Variants in EIF4G3 observed in about 807,000 individuals in gnomAD.
EIF4G3 encodes eukaryotic translation initiation factor 4 gamma 3.
Under a neutral mutation model 186.4 loss-of-function variants are expected in EIF4G3, and 34 were observed. The observed-to-expected ratio is 0.18, with a 90% CI of 0.14 to 0.24. The LOEUF is 0.24. EIF4G3 is among the 10% of genes least tolerant of loss of function. EIF4G3 has a pLI of 1.00. For synonymous variants in EIF4G3, 673 were observed against 679.5 expected, an observed-to-expected ratio of 0.99 and a Z score of 0.15; for missense variants, 1,536 against 1,948.5, an observed-to-expected ratio of 0.79 and a Z score of 3.99.
At chr1:20,852,952 T>C (rs10799670) in intron 27 of EIF4G3, among the ~76,000 whole-genome samples, 79,321 of 151,742 alleles carry the variant, frequency 0.52, 21,399 homozygotes, top group East Asian at 0.83. Flanking sequence ...CTGGGCAACA[T>C]AGCAAGATGC....
chr1:21,050,342 A>T (rs920683626), intron 4 of EIF4G3, among the ~76,000 whole-genome samples: 10 of 152,256 alleles, frequency 6.6e-5, no homozygotes, highest in African/African-American at 2.2e-4. Context: ...ACTATTAAGT[A>T]GAAATACACT....
chr1:21,005,455 T>C (rs1427004093), intron 4 of EIF4G3, among the ~76,000 whole-genome samples: 3 of 152,154 alleles, frequency 2.0e-5, no homozygotes, highest in Non-Finnish European at 2.9e-5. Context: ...TAAAGAAATG[T>C]TACCTCTTTC....
intron 16 of EIF4G3, 66 bp from the exon 17 acceptor site, chr1:20,895,567 G>A (rs139273906): frequency 6.2e-5 from 94 of 1,512,696 alleles, no homozygotes; most frequent in Non-Finnish European, 8.0e-5. Context: ...ATTGCATAAC[G>A]ATGTTTCGAT....
intron 12 of EIF4G3, among the ~76,000 whole-genome samples, chr1:20,966,862 T>A (rs1246456529): frequency 3.3e-5 from 5 of 152,218 alleles, no homozygotes; most frequent in Non-Finnish European, 7.3e-5. Context: ...GAAATATCTC[T>A]AGTACACGTC....
chr1:21,167,466 C>T (rs1425997215), intron 2 of EIF4G3, among the ~76,000 whole-genome samples: 3 of 152,002 alleles, frequency 2.0e-5, no homozygotes, highest in East Asian at 1.9e-4. Flanking sequence ...ATGAAGAGTT[C>T]GAGACCAGCC....
At chr1:20,970,728 C>T (rs1317938049) in intron 11 of EIF4G3, among the ~76,000 whole-genome samples, 4 of 152,232 alleles carry the variant, frequency 2.6e-5, no homozygotes, top group African/African-American at 9.6e-5. Context: ...CTTTGGGAGG[C>T]TGAGGTGGGC....
chr1:20,841,500 C>G (rs1189938869), intron 29 of EIF4G3, among the ~76,000 whole-genome samples: 1 of 152,038 alleles, frequency 6.6e-6, no homozygotes, highest in African/African-American at 2.4e-5. Context: ...GATTCAAAAG[C>G]CTTAATGTGT....
intron 20 of EIF4G3, among the ~76,000 whole-genome samples, chr1:20,871,622 T>C (rs2079212311): frequency 6.6e-6 from 1 of 152,242 alleles, no homozygotes; most frequent in Non-Finnish European, 1.5e-5. Flanking sequence ...GAAAATGTTG[T>C]ATACAGTAGA....
chr1:20,872,234 T>C (rs2079407437), intron 20 of EIF4G3, among the ~76,000 whole-genome samples: 1 of 151,946 alleles, frequency 6.6e-6, no homozygotes, highest in Non-Finnish European at 1.5e-5. Context: ...GTGATCCTCT[T>C]GCCTCAGCCT....
At chr1:21,036,885 AAAT>A (rs2093251939) in intron 4 of EIF4G3, among the ~76,000 whole-genome samples, 1 of 152,188 alleles carries the variant, frequency 6.6e-6, no homozygotes, top group African/African-American at 2.4e-5. Context: ...ACCTCTAAAA[AAAT>A]AATAAAATAA....
At chr1:20,890,551 G>C (rs1420973857) in intron 18 of EIF4G3, among the ~76,000 whole-genome samples, 1 of 151,978 alleles carries the variant, frequency 6.6e-6, no homozygotes, top group Non-Finnish European at 1.5e-5. Flanking sequence ...TGTTTCCCAG[G>C]CTCAGGCAAT....
intron 14 of EIF4G3, among the ~76,000 whole-genome samples, chr1:20,924,999 A>T (rs1320782201): frequency 6.6e-6 from 1 of 152,244 alleles, no homozygotes; most frequent in Non-Finnish European, 1.5e-5. Flanking sequence ...AAACTGAAAA[A>T]GTCTTGTCTT....
chr1:20,892,227 T>A (rs1427696572), intron 18 of EIF4G3, among the ~76,000 whole-genome samples: 1 of 152,216 alleles, frequency 6.6e-6, no homozygotes, highest in Non-Finnish European at 1.5e-5. Context: ...AACACGGTTA[T>A]CTGCAAATGT....
intron 10 of EIF4G3, among the ~76,000 whole-genome samples, chr1:20,979,272 T>C (rs2077481311): frequency 6.6e-6 from 1 of 152,184 alleles, no homozygotes; most frequent in South Asian, 2.1e-4. Flanking sequence ...AAAAACACTT[T>C]TAATTTTTCA....
chr1:20,919,331 C>T (rs1421275931), intron 14 of EIF4G3, among the ~76,000 whole-genome samples: 6 of 152,154 alleles, frequency 3.9e-5, no homozygotes, highest in Non-Finnish European at 7.3e-5. Flanking sequence ...ACCTCAGCCT[C>T]CCGTATAGCT....
chr1:21,124,992 A>G (rs774399939), intron 2 of EIF4G3, among the ~76,000 whole-genome samples: 3 of 152,230 alleles, frequency 2.0e-5, no homozygotes, highest in Non-Finnish European at 4.4e-5. Context: ...AGGTTTAGAA[A>G]TAAGTTCCAC....
chr1:21,129,125 C>T (rs958964955), intron 2 of EIF4G3, among the ~76,000 whole-genome samples: 4 of 151,750 alleles, frequency 2.6e-5, no homozygotes, highest in Non-Finnish European at 5.9e-5. Context: ...CCAGCCTGGC[C>T]AACATGGTGA....
intron 24 of EIF4G3, among the ~76,000 whole-genome samples, chr1:20,860,069 T>A (rs1415430827): frequency 2.6e-5 from 4 of 152,246 alleles, no homozygotes; most frequent in Admixed American, 2.6e-4. Flanking sequence ...CCAGATAAAC[T>A]GTACACTTTG....
In EIF4G3 at chr1:20,973,052, T is replaced by C. The variant is rs542439379; in HGVS notation, c.541A>G (p.Ile181Val). 4.0e-5 allele frequency: 64 copies of C among 1,611,098 alleles called. No individual in the cohort carries two copies. Among genetic ancestry groups the C allele is most frequent in the South Asian group, 2.7e-4 (24 of 89,958 alleles). ...SQPVYQSAPI[I>V]VPTQQQPPPA... Reference sequence around the variant, plus strand: ...GGCGGCTGTTGCTGCGTAGGCACTATGATAGGTGCTGACTGATACACCGGC... The same window carrying C: ...GGCGGCTGTTGCTGCGTAGGCACTACGATAGGTGCTGACTGATACACCGGC... Residue 181 changes from isoleucine (I) to valine (V), a missense_variant, in exon 11 of 37, where the codon ATA becomes GTA. This residue lies in a region of EIF4G3 where 194 missense variants were observed against 212.8 expected (regional missense o/e 0.91). Transcript: ENST00000602326.
Sources: gnomAD v4.1 joint callset for allele counts (sites outside exome capture counted in the v4.1 genomes callset) on GRCh38, gnomAD v4.1.1 for gene constraint, gnomAD v4.1.1 regional missense constraint, MANE v1.5 for transcripts, NCBI Gene and HGNC (gene_info 2026-07-23, HGNC 2026-07-21) for gene names.